IMMP2L: variants seen among roughly 807,000 people sequenced by gnomAD.
The protein encoded by IMMP2L is inner mitochondrial membrane peptidase subunit 2, also known as mitochondrial inner membrane protease subunit 2.
A neutral mutation model predicts 19.3 loss-of-function variants in IMMP2L; 18 were observed. That is an observed-to-expected ratio of 0.93 (90% CI 0.64 to 1.38). The LOEUF is 1.38. IMMP2L is among the 40% of genes most tolerant of loss of function. The pLI is 0.00. For missense variants in IMMP2L, 233 were observed against 218.2 expected (o/e 1.07, Z -0.43); for synonymous variants, 76 against 73.0 (o/e 1.04, Z -0.21).
chr7:110,735,065 G>T (rs1796525152), intron 5 of IMMP2L, among the ~76,000 whole-genome samples: 1 of 152,080 alleles, frequency 6.6e-6, no homozygotes, highest in Non-Finnish European at 1.5e-5. Context: ...CACTTACATA[G>T]CCAGCTCGGG....
At chr7:110,886,293 G>A (rs1810212242) in intron 5 of IMMP2L, among the ~76,000 whole-genome samples, 2 of 151,586 alleles carry the variant, frequency 1.3e-5, no homozygotes, top group Admixed American at 1.3e-4. Flanking sequence ...GTATTCCCGT[G>A]GGAGAAAAAA....
At chr7:111,178,917 T>C (rs1230716694) in intron 3 of IMMP2L, among the ~76,000 whole-genome samples, 2 of 152,198 alleles carry the variant, frequency 1.3e-5, no homozygotes, top group Admixed American at 6.6e-5. Flanking sequence ...TCTGTTCTCA[T>C]GCATCACAAA....
At chr7:111,172,691 C>T (rs2129609403) in intron 3 of IMMP2L, among the ~76,000 whole-genome samples, 1 of 151,660 alleles carries the variant, frequency 6.6e-6, no homozygotes, top group South Asian at 2.1e-4. Context: ...ATTCTACTCT[C>T]TATTTCTATG....
At chr7:111,037,786 A>G (rs1376361294) in intron 3 of IMMP2L, among the ~76,000 whole-genome samples, 1 of 152,342 alleles carries the variant, frequency 6.6e-6, no homozygotes, top group Middle Eastern at 3.4e-3. Context: ...TTAATTATGT[A>G]CAATTGCTTC....
intron 5 of IMMP2L, among the ~76,000 whole-genome samples, chr7:110,714,194 C>T (rs913316938): frequency 6.6e-6 from 1 of 152,076 alleles, no homozygotes; most frequent in African/African-American, 2.4e-5. Flanking sequence ...TCACATGGTT[C>T]TTTTTAATTC....
At chr7:110,919,584 T>C (rs1209394326) in intron 4 of IMMP2L, among the ~76,000 whole-genome samples, 1 of 152,224 alleles carries the variant, frequency 6.6e-6, no homozygotes, top group African/African-American at 2.4e-5. Context: ...TGTTTGTTCC[T>C]TGTTTGCATA....
chr7:110,894,312 C>A (rs1811107757), intron 4 of IMMP2L, among the ~76,000 whole-genome samples: 1 of 152,138 alleles, frequency 6.6e-6, no homozygotes, highest in Non-Finnish European at 1.5e-5. Flanking sequence ...AGGGATGGGA[C>A]CTGTGTTTGG....
chr7:110,744,614 G>T (rs1292264180), intron 5 of IMMP2L, among the ~76,000 whole-genome samples: 1 of 152,230 alleles, frequency 6.6e-6, no homozygotes, highest in African/African-American at 2.4e-5. Flanking sequence ...ACAGGGTCTG[G>T]AGTGGACCTC....
intron 5 of IMMP2L, among the ~76,000 whole-genome samples, chr7:110,882,797 T>C (rs542124265): frequency 3.4e-4 from 52 of 151,912 alleles, no homozygotes; most frequent in African/African-American, 1.3e-3. Context: ...CAAAGAAGCA[T>C]TATATAGGGG....
intron 3 of IMMP2L, among the ~76,000 whole-genome samples, chr7:111,281,156 C>A (rs10256796): frequency 0.029 from 1,957 of 67,554 alleles, 88 homozygotes; most frequent in African/African-American, 0.099. Context: ...GACAGAAAGA[C>A]AGAAAGAAAG....
intron 3 of IMMP2L, among the ~76,000 whole-genome samples, chr7:111,417,615 C>T (rs143735583): frequency 4.0e-5 from 6 of 151,820 alleles, no homozygotes; most frequent in East Asian, 1.9e-4. Context: ...CCCATGGCAA[C>T]GAGAACTAAA....
At chr7:111,463,379 C>T (rs1840317791) in intron 3 of IMMP2L, among the ~76,000 whole-genome samples, 1 of 152,106 alleles carries the variant, frequency 6.6e-6, no homozygotes, top group African/African-American at 2.4e-5. Flanking sequence ...TAAATCCATT[C>T]CCTGCTCCTT....
intron 3 of IMMP2L, among the ~76,000 whole-genome samples, chr7:111,357,514 A>C (rs964896515): frequency 6.6e-6 from 1 of 152,124 alleles, no homozygotes; most frequent in Admixed American, 6.6e-5. Flanking sequence ...ACCATGTTTA[A>C]TTGCCACATT....
At chr7:111,078,937 C>T (rs934394059) in intron 3 of IMMP2L, among the ~76,000 whole-genome samples, 1 of 152,032 alleles carries the variant, frequency 6.6e-6, no homozygotes, top group East Asian at 1.9e-4. Context: ...ACCATGTTGG[C>T]CAGGCTGGTC....
intron 3 of IMMP2L, among the ~76,000 whole-genome samples, chr7:111,064,411 C>T (rs937409930): frequency 1.3e-5 from 2 of 152,072 alleles, no homozygotes; most frequent in African/African-American, 4.8e-5. Flanking sequence ...ATTACAATGC[C>T]AACTAGGTGA....
At chr7:111,018,160 G>A (rs1825896390) in intron 3 of IMMP2L, among the ~76,000 whole-genome samples, 1 of 152,166 alleles carries the variant, frequency 6.6e-6, no homozygotes, top group African/African-American at 2.4e-5. Flanking sequence ...GAGGAGGAAT[G>A]TAATAATTTC....
chr7:111,312,168 G>A (rs142697321), intron 3 of IMMP2L, among the ~76,000 whole-genome samples: 1 of 152,162 alleles, frequency 6.6e-6, no homozygotes, highest in Non-Finnish European at 1.5e-5. Context: ...TCAAGAAGAG[G>A]GAATTTAATC....
At chr7:111,470,299 T>C (rs1031323152) in intron 3 of IMMP2L, among the ~76,000 whole-genome samples, 6 of 151,890 alleles carry the variant, frequency 4.0e-5, no homozygotes, top group Non-Finnish European at 8.8e-5. Flanking sequence ...AGTTCAACCC[T>C]TGTGGAAGTC....
At chr7:111,268,559 TCA>T (rs1213388098) in intron 3 of IMMP2L, among the ~76,000 whole-genome samples, 1 of 136,240 alleles carries the variant, frequency 7.3e-6, no homozygotes, top group Non-Finnish European at 1.6e-5. Flanking sequence ...GAGTTAAACT[TCA>T]CATTTCTCTT....
Sources: allele counts gnomAD v4.1 joint callset (sites outside exome capture counted in the v4.1 genomes callset), GRCh38; gene constraint gnomAD v4.1.1; transcripts MANE v1.5; gene names NCBI Gene and HGNC (gene_info 2026-07-23, HGNC 2026-07-21).